Variants in INTS1 observed in about 807,000 individuals in gnomAD.
The protein encoded by INTS1 is integrator complex subunit 1.
In INTS1, 137 loss-of-function variants were observed where a neutral mutation model predicts 241.6. The ratio of observed to expected loss-of-function variants is 0.57; its 90% CI spans 0.49 to 0.65. INTS1 has a LOEUF of 0.65. INTS1 is among the 30% of genes least tolerant of loss of function. The pLI is 0.00. For missense variants in INTS1, 3,073 were observed against 3,032.2 expected, an observed-to-expected ratio of 1.01 and a Z score of -0.32; for synonymous variants, 1,692 against 1,337.8, an observed-to-expected ratio of 1.26 and a Z score of -5.78.
At position 1,486,547 on chromosome 7, in the gene INTS1, G is replaced by C. The variant is rs1218723973; in HGVS notation, c.2976+78C>G. The C allele has an allele frequency of 2.3e-5, 35 of 1,490,062 alleles. 1 individual carries two copies. The highest frequency in any genetic ancestry group is 3.2e-5 in the Non-Finnish European group (35 of 1,103,836). The allele number at this position is 1,490,062 out of a possible 1,614,324, so 92.3% of individuals were successfully genotyped here. ...CCCAAAGTGCTGGGATGACAGGCGT[G>C]AGCCACCGTGCCCGGTCCCCAGCCT... On this transcript the variant is annotated intron_variant, in intron 22 of 47. Coordinates refer to ENST00000404767, the MANE Select transcript of INTS1 (RefSeq NM_001080453.3).
chr7:1,487,964 C>A lies in INTS1; in HGVS notation c.2319-7G>T. The A allele has an allele frequency of 6.2e-7, 1 of 1,612,676 alleles. No individual in the cohort carries two copies. The highest frequency in any genetic ancestry group is 8.5e-7 in the Non-Finnish European group (1 of 1,179,562). On this transcript the variant is annotated splice_polypyrimidine_tract_variant and splice_region_variant and intron_variant, in intron 18 of 47. Transcript: ENST00000404767. ...CGGTGGGTAGGAGTAGTTGCTAGGG[C>A]CAGACGGGGGAGCGTGTCACCCTGC...
intron 3 of INTS1, among the ~76,000 whole-genome samples, chr7:1,502,297 C>T (rs560367954): frequency 2.8e-4 from 43 of 152,112 alleles, no homozygotes; most frequent in African/African-American, 9.6e-4. Context: ...CAGGGAGTCA[C>T]GGAGCCTTGA....
At chr7:1,478,616 C>A in intron 32 of INTS1, 110 bp from the exon 33 acceptor site, 1 of 1,493,316 alleles carries the variant, frequency 6.7e-7, no homozygotes, top group Non-Finnish European at 9.0e-7. Context: ...ACGCGGGTAC[C>A]CACCCCCCAA....
intron 16 of INTS1, among the ~76,000 whole-genome samples, chr7:1,491,765 G>A (rs1782559016): frequency 6.6e-6 from 1 of 152,128 alleles, no homozygotes; most frequent in Non-Finnish European, 1.5e-5. Flanking sequence ...GGGCATGGTG[G>A]CACGTGCCTA....
rs1386705456 is a variant in INTS1, at chr7:1,493,913, T to C, written c.1911-2A>G. The C allele has an allele frequency of 1.9e-6, 3 of 1,557,470 alleles. No individual in the cohort carries two copies. Among genetic ancestry groups the C allele is most frequent in the Non-Finnish European group, 2.6e-6 (3 of 1,150,934 alleles). Reference sequence around the variant, plus strand: ...TCGGAGCACAGACGCAGGAAGAAGCTGCGGGGTGGGGGAGGCATGACTCGG... The same window carrying C: ...TCGGAGCACAGACGCAGGAAGAAGCCGCGGGGTGGGGGAGGCATGACTCGG... On this transcript the variant is annotated splice_acceptor_variant, in intron 14 of 47. Coordinates refer to ENST00000404767, the MANE Select transcript of INTS1 (RefSeq NM_001080453.3). LOFTEE classifies it high-confidence loss of function. This position sits in a 1 kb window ranked among gnomAD's most constrained non-coding sequence, Gnocchi z 5.3.
At position 1,498,702 on chromosome 7, in the gene INTS1, C is replaced by A; in HGVS notation, c.1283+5G>T. On this transcript the variant is annotated splice_donor_5th_base_variant and intron_variant, in intron 9 of 47. Transcript: ENST00000404767. ...ACCCCCGCTCTGCCCCGGCTCGCCA[C>A]GCACCTGATGCACAGCATGAAGTGG... 6.5e-7 allele frequency: 1 copy of A among 1,550,384 alleles called. No homozygotes were observed. Among genetic ancestry groups the A allele is most frequent in the Non-Finnish European group, 8.7e-7 (1 of 1,146,756 alleles).
At chr7:1,479,834 GC>G in intron 30 of INTS1, 150 bp from the exon 31 acceptor site, 2 of 883,382 alleles carry the variant, frequency 2.3e-6, no homozygotes, top group Non-Finnish European at 3.3e-6. Flanking sequence ...GGCCTGAGGG[GC>G]CCAGGGCCCT....
At chr7:1,474,098 G>C in intron 41 of INTS1, 70 bp downstream of exon 41, 1 of 1,459,182 alleles carries the variant, frequency 6.9e-7, no homozygotes, top group Non-Finnish European at 9.1e-7. Flanking sequence ...TCCGCGAGTG[G>C]GTGAGGCAGG....
intron 8 of INTS1, 32 bp downstream of exon 8, chr7:1,498,943 G>GGGGCCC: frequency 1.7e-5 from 18 of 1,070,708 alleles, no homozygotes; most frequent in African/African-American, 2.0e-5. Context: ...CCCACCCCCT[G>GGGGCCC]CCCCGCCCAC....
chr7:1,480,980 G>A (rs768709259), intron 28 of INTS1, 47 bp from the exon 29 acceptor site: 7 of 1,396,548 alleles, frequency 5.0e-6, no homozygotes, highest in Non-Finnish European at 6.0e-6. Flanking sequence ...AGGGGCCAGG[G>A]AGCAGGTCCT....
Position 1,489,652 on chromosome 7 carries a change from G to A in INTS1, c.2196C>T (p.Thr732=), listed in dbSNP as rs750009062. 1.3e-6 allele frequency: 2 copies of A among 1,580,502 alleles called. No individual in the cohort carries two copies. The highest frequency in any genetic ancestry group is 1.8e-5 in the Admixed American group (1 of 56,172). Residue 732 remains threonine (T), a synonymous_variant, in exon 17 of 48, where the codon ACC becomes ACT. Transcript: ENST00000404767. ...GYQPPNLAIS[T]LYWKAWPLLL... is the part of the protein sequence containing the mutation. ...GGAGGGGCCAGGCCTTCCAGTAGAG[G>A]GTAGAGATGGCGAGGTTCGGAGGCT...
chr7:1,478,257 A>G, intron 33 of INTS1, 109 bp downstream of exon 33: 1 of 1,260,612 alleles, frequency 7.9e-7, no homozygotes, highest in Non-Finnish European at 1.1e-6. Context: ...CTTTCCGGGG[A>G]CAGTGCTGAG....
intron 3 of INTS1, 96 bp downstream of exon 3, chr7:1,502,805 A>G: frequency 7.4e-7 from 1 of 1,358,568 alleles, no homozygotes; most frequent in Non-Finnish European, 1.0e-6. Context: ...CCTCGGCCAT[A>G]CGGGCAGCAC....
chr7:1,499,099 T>G lies in INTS1; in HGVS notation c.1013A>C (p.Asn338Thr). The change falls in exon 8 of 48, where the codon AAC becomes ACC. Residue 338 changes from asparagine to threonine, a missense_variant. Transcript: ENST00000404767. ...GACGTTGTCGATGGGCTGGCGCCGG[T>G]TCAGCTGGTCCCGCAGCATGTCCAG... is the stretch of plus-strand genomic sequence containing the variant. ...YVLDMLRDQL[N>T]RRQPIDNVSR... 1 of 1,610,814 alleles carries G rather than the reference T, an allele frequency of 6.2e-7. No homozygotes were observed. Among genetic ancestry groups the G allele is most frequent in the Non-Finnish European group, 8.5e-7 (1 of 1,179,500 alleles).
At position 1,496,730 on chromosome 7, in the gene INTS1, C is replaced by T. The variant is rs535993702; in HGVS notation, c.1602+408G>A. ...ACAGGCCACCCCGGCAGGCTGGCTG[C>T]GAGTTGGCTGCAGGGACCTGGCATC... On this transcript the variant is annotated intron_variant, in intron 11 of 47. Transcript: ENST00000404767. 7.2e-4 allele frequency among the ~76,000 whole-genome samples: 110 copies of T among 152,282 alleles called. 1 individual carries two copies. The highest frequency in any genetic ancestry group is 2.5e-3 in the African/African-American group (104 of 41,562).
intron 2 of INTS1, among the ~76,000 whole-genome samples, chr7:1,503,589 G>C (rs928502919): frequency 2.6e-5 from 4 of 152,234 alleles, no homozygotes; most frequent in Non-Finnish European, 5.9e-5. Context: ...TTCAGCCGCA[G>C]ACCCCGTGCT....
chr7:1,482,267 T>C, intron 27 of INTS1: 1 of 327,956 alleles, frequency 3.0e-6, no homozygotes, highest in Non-Finnish European at 5.5e-6. Flanking sequence ...CCAGACCACT[T>C]TCTCTTTTTT....
In INTS1 at chr7:1,489,592, G is replaced by T; in HGVS notation, c.2256C>A (p.Ile752=). The part of the protein sequence containing the change: ...LVVAAFNPEN[I]GLAAWEEYPT... ...ATGGGGCGGCCAGCAGAGGCTCACC[G>T]ATGTTCTCTGGGTTGAATGCGGCGA... is the stretch of plus-strand genomic sequence containing the variant. The change falls in exon 17 of 48, where the codon ATC becomes ATA. Residue 752 remains isoleucine, a splice_region_variant and synonymous_variant. Coordinates refer to ENST00000404767, the MANE Select transcript of INTS1 (RefSeq NM_001080453.3). 1.9e-6 allele frequency: 3 copies of T among 1,579,980 alleles called. No individual in the cohort carries two copies. The highest frequency in any genetic ancestry group is 8.6e-7 in the Non-Finnish European group (1 of 1,161,708).
At chr7:1,488,610 C>T (rs1048926072) in intron 18 of INTS1, among the ~76,000 whole-genome samples, 3 of 152,156 alleles carry the variant, frequency 2.0e-5, no homozygotes, top group African/African-American at 7.2e-5. Context: ...CAAACGTACC[C>T]GATCCCAACG....
Sources: allele counts gnomAD v4.1 joint callset (sites outside exome capture counted in the v4.1 genomes callset), GRCh38; gene constraint gnomAD v4.1.1; non-coding constraint Gnocchi (gnomAD v3.1); transcripts MANE v1.5; gene names NCBI Gene and HGNC (gene_info 2026-07-23, HGNC 2026-07-21).